The following GPR37 variants were observed in gnomAD, a reference collection of about 807,000 sequenced individuals.
The protein encoded by GPR37 is prosaposin receptor GPR37.
Under a neutral mutation model 43.6 loss-of-function variants are expected in GPR37, and 20 were observed. That is an observed-to-expected ratio of 0.46 (90% CI 0.32 to 0.67). The LOEUF (loss-of-function observed/expected upper bound fraction) is 0.67. GPR37 is among the 30% of genes least tolerant of loss of function. The pLI is 0.03. For missense variants in GPR37, 724 were observed against 797.2 expected, an observed-to-expected ratio of 0.91 and a Z score of 1.11; for synonymous variants, 315 against 322.6, an observed-to-expected ratio of 0.98 and a Z score of 0.25.
chr7:124,764,690 G>A lies in GPR37; in HGVS notation c.287C>T (p.Pro96Leu). 6.9e-6 allele frequency: 11 copies of A among 1,593,986 alleles called. No homozygotes were observed. The highest frequency in any genetic ancestry group is 8.5e-6 in the Non-Finnish European group (10 of 1,171,256). The stretch of plus-strand genomic sequence containing the variant: ...CGCCTCCGCCCCTCTGCCTGCAGCC[G>A]GGTCACGGCCCGGGGCCGCCGGCAG... ...WDLPAAPGRD[P>L]AAGRGAEASA... The change falls in exon 1 of 2, where the codon CCG becomes CTG. Residue 96 changes from proline to leucine, a missense_variant. Pro to Leu is a moderately conservative substitution (Grantham distance 98). This residue lies in a region of GPR37 where 382 missense variants were observed against 355.4 expected (regional missense o/e 1.07). Transcript: ENST00000303921. The surrounding 1 kb of genome is among the most constrained non-coding windows in gnomAD (Gnocchi z 5.4).
In GPR37 at chr7:124,765,561, C is replaced by T. The variant is rs915515941; in HGVS notation, c.-585G>A. Reference sequence around the variant, plus strand: ...GCAGCGCTGATGCGCCGGCGAAACTCTTGCCCCACCTAACCCCAGCGACTT... The same window carrying T: ...GCAGCGCTGATGCGCCGGCGAAACTTTTGCCCCACCTAACCCCAGCGACTT... On this transcript the variant is annotated 5_prime_UTR_variant, in exon 1 of 2. Transcript: ENST00000303921. The T allele has an allele frequency of 2.0e-5, 3 of 152,354 alleles. No homozygotes were observed. Among genetic ancestry groups the T allele is most frequent in the African/African-American group, 7.2e-5 (3 of 41,482 alleles). 9.4% of individuals were successfully genotyped at this position (152,354 alleles called of 1,614,324 possible). A position where few individuals can be genotyped will look rare whatever the true frequency, so the allele number is the denominator to read the frequency against.
Position 124,765,023 on chromosome 7 carries a change from G to C in GPR37, c.-47C>G. 7.1e-7 allele frequency: 1 copy of C among 1,414,072 alleles called. No individual in the cohort carries two copies. Among genetic ancestry groups the C allele is most frequent in the Non-Finnish European group, 9.2e-7 (1 of 1,084,142 alleles). 87.6% of individuals were successfully genotyped at this position (1,414,072 alleles called of 1,614,324 possible). Reference sequence around the variant, plus strand: ...GCAGCCGCAGCTCCTGCTTAGTTAGGATCGACACCTGCTGCCGAAGTTGCT... The same window carrying C: ...GCAGCCGCAGCTCCTGCTTAGTTAGCATCGACACCTGCTGCCGAAGTTGCT... On this transcript the variant is annotated 5_prime_UTR_variant, in exon 1 of 2. The change creates a new upstream start codon in the 5' untranslated region. Transcript: ENST00000303921.
chr7:124,754,774 T>C (rs1436878322), intron 1 of GPR37, among the ~76,000 whole-genome samples: 1 of 152,174 alleles, frequency 6.6e-6, no homozygotes, highest in African/African-American at 2.4e-5. Context: ...AATGATAACC[T>C]ATTATGTCAG....
chr7:124,763,046 A>T (rs1290633435), intron 1 of GPR37, among the ~76,000 whole-genome samples: 1 of 152,200 alleles, frequency 6.6e-6, no homozygotes, highest in Non-Finnish European at 1.5e-5. Context: ...ACCTACCACA[A>T]TAGTGGGCCA....
chr7:124,747,218 A>C lies in GPR37; in HGVS notation c.1149T>G (p.Leu383=). 6.2e-7 allele frequency: 1 copy of C among 1,613,888 alleles called. No homozygotes were observed. The highest frequency in any genetic ancestry group is 1.1e-5 in the South Asian group (1 of 91,076). ...IENCSSTTAK[L]AVIWVGALLL... is the part of the protein sequence containing the mutation. ...ATAGAGCTCCCACCCATATAACAGC[A>C]AGTTTGGCAGTTGTTGAGGAACAGT... Residue 383 remains leucine, a synonymous_variant, in exon 2 of 2, where the codon CTT becomes CTG. Coordinates refer to ENST00000303921, the MANE Select transcript of GPR37 (RefSeq NM_005302.5).
At chr7:124,763,808 A>G (rs1793877889) in intron 1 of GPR37, 146 bp downstream of exon 1, 5 of 736,088 alleles carry the variant, frequency 6.8e-6, no homozygotes, top group Non-Finnish European at 1.1e-5. Context: ...ATACATGCAT[A>G]AATGATTGGA....
chr7:124,762,174 A>G (rs913268835), intron 1 of GPR37, among the ~76,000 whole-genome samples: 8 of 152,210 alleles, frequency 5.3e-5, no homozygotes, highest in African/African-American at 2.4e-5. Flanking sequence ...GAAAATTAAA[A>G]TAAGTACATA....
intron 1 of GPR37, among the ~76,000 whole-genome samples, chr7:124,748,092 C>T (rs1793693448): frequency 6.6e-6 from 1 of 152,034 alleles, no homozygotes; most frequent in Non-Finnish European, 1.5e-5. Context: ...CCCAGGTGCA[C>T]AGAGACAGGA....
At chr7:124,751,908 A>G (rs889459985) in intron 1 of GPR37, among the ~76,000 whole-genome samples, 7 of 152,148 alleles carry the variant, frequency 4.6e-5, no homozygotes, top group Admixed American at 3.3e-4. Context: ...CACTTTTCAG[A>G]GACAAGACTA....
In GPR37 at chr7:124,765,760, G is replaced by C. The variant is rs1793915280; in HGVS notation, c.-784C>G. 6.6e-6 allele frequency: 1 copy of C among 152,382 alleles called. No homozygotes were observed. Among genetic ancestry groups the C allele is most frequent in the African/African-American group, 2.4e-5 (1 of 41,476 alleles). The allele number at this position is 152,382 out of a possible 1,614,324, so 9.4% of individuals were successfully genotyped here. A position where few individuals can be genotyped will look rare whatever the true frequency, so the allele number is the denominator to read the frequency against. ...GGAGAAGAGGGCGCCGCTCGTCGGTGGACAGTGCCGCTAGCCGCGGGAGCT... is the reference window on the plus strand; with the variant it reads ...GGAGAAGAGGGCGCCGCTCGTCGGTCGACAGTGCCGCTAGCCGCGGGAGCT... On this transcript the variant is annotated 5_prime_UTR_variant, in exon 1 of 2. Transcript: ENST00000303921.
rs1412960978 is a variant in GPR37 at position 124,744,234 on chromosome 7, T to G, written c.*2291A>C. On this transcript the variant is annotated 3_prime_UTR_variant, in exon 2 of 2. Coordinates refer to ENST00000303921, the MANE Select transcript of GPR37 (RefSeq NM_005302.5). ...ATCAGACTGTCCCCTACCAGCCTAT[T>G]TAAACTGTTTGCAAGTTGATCTTCC... is the stretch of plus-strand genomic sequence containing the variant. 2.0e-5 allele frequency: 3 copies of G among 152,144 alleles called. No homozygotes were observed. The highest frequency in any genetic ancestry group is 4.4e-5 in the Non-Finnish European group (3 of 68,016). 9.4% of individuals were successfully genotyped at this position (152,144 alleles called of 1,614,324 possible). A position where few individuals can be genotyped will look rare whatever the true frequency, so the allele number is the denominator to read the frequency against.
chr7:124,760,029 G>C (rs1225522380), intron 1 of GPR37, among the ~76,000 whole-genome samples: 2 of 151,884 alleles, frequency 1.3e-5, no homozygotes, highest in East Asian at 3.9e-4. Flanking sequence ...GAAGCTGGGA[G>C]AGAAAAATTA....
At chr7:124,760,806 T>C (rs956206993) in intron 1 of GPR37, among the ~76,000 whole-genome samples, 1 of 152,164 alleles carries the variant, frequency 6.6e-6, no homozygotes, top group African/African-American at 2.4e-5. Flanking sequence ...AATTTCATCT[T>C]TAAAATGAGG....
rs1793680796 is a variant in GPR37, at chr7:124,747,080, G to A, written c.1287C>T (p.Asp429=). 2 of 1,613,952 alleles carry A rather than the reference G, an allele frequency of 1.2e-6. No homozygotes were observed. The highest frequency in any genetic ancestry group is 1.3e-5 in the African/African-American group (1 of 75,000). ...AGGTGAGGGCTAGAACATAGATGGT[G>A]TCTGGTAAATCAGGAGAGATCTTAA... ...CIIKISPDLP[D]TIYVLALTYD... Residue 429 remains aspartate (D), a synonymous_variant, in exon 2 of 2, where the codon GAC becomes GAT. Transcript: ENST00000303921.
chr7:124,762,933 G>T (rs1793867680), intron 1 of GPR37, among the ~76,000 whole-genome samples: 1 of 152,164 alleles, frequency 6.6e-6, no homozygotes, highest in Admixed American at 6.5e-5. Context: ...TCTGAATGGA[G>T]AAAATCAAGG....
chr7:124,761,536 C>T (rs117058738), intron 1 of GPR37, among the ~76,000 whole-genome samples: 1,673 of 152,284 alleles, frequency 0.011, 26 homozygotes, highest in Non-Finnish European at 0.015. Context: ...TCCCTTTGCC[C>T]GCCCAATCCT....
chr7:124,752,956 T>A (rs879919450), intron 1 of GPR37, among the ~76,000 whole-genome samples: 1 of 152,052 alleles, frequency 6.6e-6, no homozygotes, highest in African/African-American at 2.4e-5. Context: ...ACATACATAG[T>A]AACCCTTGTA....
At position 124,744,386 on chromosome 7, in the gene GPR37, A is replaced by G. The variant is rs1793645230; in HGVS notation, c.*2139T>C. ...CTATTATTAGATGGCCTTGGTGCATATTTTCTTTAATATTTCCCACAAGGC... is the reference window on the plus strand; with the variant it reads ...CTATTATTAGATGGCCTTGGTGCATGTTTTCTTTAATATTTCCCACAAGGC... On this transcript the variant is annotated 3_prime_UTR_variant, in exon 2 of 2. Transcript: ENST00000303921. 1 of 152,088 alleles carries G rather than the reference A, an allele frequency of 6.6e-6. No individual in the cohort carries two copies. The highest frequency in any genetic ancestry group is 6.6e-5 in the Admixed American group (1 of 15,256). The allele number at this position is 152,088 out of a possible 1,614,324, so 9.4% of individuals were successfully genotyped here.
In GPR37 at chr7:124,764,942, G is replaced by A; in HGVS notation, c.35C>T (p.Ser12Leu). 2 of 1,525,272 alleles carry A rather than the reference G, an allele frequency of 1.3e-6. No homozygotes were observed. The highest frequency in any genetic ancestry group is 8.8e-7 in the Non-Finnish European group (1 of 1,139,486). The allele number at this position is 1,525,272 out of a possible 1,614,324, so 94.5% of individuals were successfully genotyped here. A position where few individuals can be genotyped will look rare whatever the true frequency, so the allele number is the denominator to read the frequency against. Residue 12 changes from serine to leucine, a missense_variant, in exon 1 of 2, where the codon TCG becomes TTG. Coordinates refer to ENST00000303921, the MANE Select transcript of GPR37 (RefSeq NM_005302.5). This position sits in a 1 kb window ranked among gnomAD's most constrained non-coding sequence, Gnocchi z 5.4. ...GAGCAGTAGCAGAAGCAGTAGCCGC[G>A]ACATGCGGGCGAGAAGCGCGCCCGG... ...RAPGALLARM[S>L]RLLLLLLLKV... is the part of the protein sequence containing the mutation.
Sources: gnomAD v4.1 joint callset for allele counts (sites outside exome capture counted in the v4.1 genomes callset) on GRCh38, gnomAD v4.1.1 for gene constraint, gnomAD v4.1.1 regional missense constraint, Gnocchi (gnomAD v3.1) non-coding constraint, MANE v1.5 for transcripts, NCBI Gene and HGNC (gene_info 2026-07-23, HGNC 2026-07-21) for gene names.